IPMK: variants seen among roughly 807,000 people sequenced by gnomAD.
IPMK encodes the protein inositol polyphosphate multikinase.
In IPMK, 17 loss-of-function variants were observed where a neutral mutation model predicts 45.8. The observed-to-expected ratio is 0.37, with a 90% CI of 0.25 to 0.56. The LOEUF is 0.56. Ranked by LOEUF, IPMK falls within the 20% of genes least tolerant of loss-of-function variation. IPMK has a pLI of 0.79. For synonymous variants in IPMK, 180 were observed against 184.3 expected (o/e 0.98, Z 0.19); for missense variants, 399 against 498.0 (o/e 0.80, Z 1.89).
In IPMK at chr10:58,195,959, G is replaced by T; in HGVS notation, c.*117C>A. On this transcript the variant is annotated 3_prime_UTR_variant, in exon 6 of 6. Coordinates refer to ENST00000373935, the MANE Select transcript of IPMK (RefSeq NM_152230.5). ...TTAACCATTCTTCCAAAAGTATAAA[G>T]ACAAATAAAATGTCGACTCATAATA... The T allele has an allele frequency of 1.0e-6, 1 of 960,202 alleles. No individual in the cohort carries two copies. Among genetic ancestry groups the T allele is most frequent in the Non-Finnish European group, 1.6e-6 (1 of 638,656 alleles). The allele number at this position is 960,202 out of a possible 1,614,324, so 59.5% of individuals were successfully genotyped here. A position where few individuals can be genotyped will look rare whatever the true frequency, so the allele number is the denominator to read the frequency against.
intron 1 of IPMK, among the ~76,000 whole-genome samples, chr10:58,242,123 C>T (rs1417037067): frequency 6.6e-6 from 1 of 151,996 alleles, no homozygotes; most frequent in African/African-American, 2.4e-5. Flanking sequence ...CAGCAAAATA[C>T]AGACCAGTAT....
At chr10:58,245,582 A>C (rs186568671) in intron 1 of IPMK, among the ~76,000 whole-genome samples, 144 of 149,780 alleles carry the variant, frequency 9.6e-4, no homozygotes, top group Admixed American at 9.1e-3. Context: ...ACTGCACTCC[A>C]GCCTGGGTGA....
intron 4 of IPMK, among the ~76,000 whole-genome samples, chr10:58,207,728 A>G (rs1261653568): frequency 6.6e-6 from 1 of 152,078 alleles, no homozygotes; most frequent in East Asian, 1.9e-4. Context: ...TTAGGTGCAT[A>G]TATATTTAGG....
rs1837836068 is a variant in IPMK at position 58,192,777 on chromosome 10, T to C, written c.*3299A>G. The C allele has an allele frequency of 6.6e-6, 1 of 152,032 alleles. No homozygotes were observed. Among genetic ancestry groups the C allele is most frequent in the South Asian group, 2.1e-4 (1 of 4,832 alleles). The allele number at this position is 152,032 out of a possible 1,614,324, so 9.4% of individuals were successfully genotyped here. A position where few individuals can be genotyped will look rare whatever the true frequency, so the allele number is the denominator to read the frequency against. On this transcript the variant is annotated 3_prime_UTR_variant, in exon 6 of 6. Transcript: ENST00000373935. ...TTCCAAAGCATTAACAGATAATTGT[T>C]ACCTCTTTAAATAATCAGATTGACA...
At chr10:58,232,477 T>G (rs1838539572) in intron 2 of IPMK, among the ~76,000 whole-genome samples, 1 of 152,160 alleles carries the variant, frequency 6.6e-6, no homozygotes, top group Non-Finnish European at 1.5e-5. Flanking sequence ...CATAACAAAC[T>G]GTCTCTCAGA....
At chr10:58,205,254 G>A (rs1282775669) in intron 4 of IPMK, among the ~76,000 whole-genome samples, 3 of 150,762 alleles carry the variant, frequency 2.0e-5, no homozygotes, top group East Asian at 3.9e-4. Context: ...TGGAGGCTTC[G>A]ACAAATACTA....
rs111512860 is a variant in IPMK, at chr10:58,231,343, C to T, written c.277-4204G>A. Among the ~76,000 whole-genome samples the T allele has an allele frequency of 5.3e-3, 806 of 152,208 alleles. 5 individuals are homozygous for T. The highest frequency in any genetic ancestry group is 0.018 in the African/African-American group (766 of 41,504). On this transcript the variant is annotated intron_variant, in intron 2 of 5. Transcript: ENST00000373935. Reference sequence around the variant, plus strand: ...ATACGGAGAATGCCACAAAGATACTCCTCGAGAAGAGCAACCCCAAGACAC... The same window carrying T: ...ATACGGAGAATGCCACAAAGATACTTCTCGAGAAGAGCAACCCCAAGACAC...
intron 2 of IPMK, among the ~76,000 whole-genome samples, chr10:58,232,712 C>T (rs551418077): frequency 6.6e-6 from 1 of 152,078 alleles, no homozygotes; most frequent in African/African-American, 2.4e-5. Context: ...GCAATAAATG[C>T]CCACAAGAGA....
intron 2 of IPMK, among the ~76,000 whole-genome samples, chr10:58,235,940 T>TC (rs1453729788): frequency 2.0e-5 from 3 of 152,058 alleles, no homozygotes; most frequent in African/African-American, 7.2e-5. Flanking sequence ...AACTTTTTTT[T>TC]TTTTTTAGAG....
intron 2 of IPMK, among the ~76,000 whole-genome samples, chr10:58,229,752 C>G (rs905695189): frequency 1.3e-5 from 2 of 151,994 alleles, no homozygotes; most frequent in African/African-American, 4.8e-5. Flanking sequence ...CGAATAGGAA[C>G]AGCTCTGGTC....
At chr10:58,203,309 T>C (rs146500903) in intron 4 of IPMK, among the ~76,000 whole-genome samples, 1 of 152,320 alleles carries the variant, frequency 6.6e-6, no homozygotes, top group East Asian at 1.9e-4. Context: ...AGTGACTTGC[T>C]TGCTTGTTTT....
At chr10:58,220,070 G>A (rs1397520100) in intron 3 of IPMK, among the ~76,000 whole-genome samples, 2 of 152,174 alleles carry the variant, frequency 1.3e-5, no homozygotes, top group Non-Finnish European at 2.9e-5. Context: ...GACTGGGGCA[G>A]GAGCAAATAT....
intron 1 of IPMK, among the ~76,000 whole-genome samples, chr10:58,247,476 TA>T (rs1196439677): frequency 6.6e-6 from 1 of 151,554 alleles, no homozygotes; most frequent in Non-Finnish European, 1.5e-5. Flanking sequence ...TATGCAGCCA[TA>T]AAAAATGATG....
intron 1 of IPMK, among the ~76,000 whole-genome samples, chr10:58,248,334 A>T (rs1006679461): frequency 5.3e-5 from 8 of 152,216 alleles, no homozygotes; most frequent in African/African-American, 1.2e-4. Context: ...TAACAAAATT[A>T]AAAATGTTGT....
chr10:58,198,926 A>G (rs1837956626), intron 5 of IPMK, among the ~76,000 whole-genome samples: 2 of 152,272 alleles, frequency 1.3e-5, no homozygotes, highest in African/African-American at 2.4e-5. Flanking sequence ...GTTTACTTAC[A>G]AAATAATTTT....
chr10:58,259,678 A>AAAAAAAAAAAAAAAAAAAAC, intron 1 of IPMK, among the ~76,000 whole-genome samples: 1 of 144,498 alleles, frequency 6.9e-6, no homozygotes, highest in Admixed American at 6.9e-5. Flanking sequence ...ACATAAAAAA[A>AAAAAAAAAAAAAAAAAAAAC]AAAAAAAAAC....
Position 58,223,860 on chromosome 10 carries a change from C to T in IPMK, c.373+3183G>A, listed in dbSNP as rs540698210. Among the ~76,000 whole-genome samples the T allele has an allele frequency of 2.9e-4, 44 of 152,282 alleles. 1 individual carries two copies. In the South Asian group the frequency reaches 6.2e-3, roughly 22 times the overall value. ...GCAGTTTCCCCTGCACTTTCTCTCT[C>T]CTGCCACCATGTAAGACGTGCCTTG... On this transcript the variant is annotated intron_variant, in intron 3 of 5. Coordinates refer to ENST00000373935, the MANE Select transcript of IPMK (RefSeq NM_152230.5).
chr10:58,200,305 G>C (rs1157653757), intron 4 of IPMK, among the ~76,000 whole-genome samples: 1 of 152,026 alleles, frequency 6.6e-6, no homozygotes, highest in Non-Finnish European at 1.5e-5. Flanking sequence ...TTTTAGTAGA[G>C]GTGAGGTTTC....
At chr10:58,219,486 A>G (rs1838298249) in intron 3 of IPMK, among the ~76,000 whole-genome samples, 1 of 152,230 alleles carries the variant, frequency 6.6e-6, no homozygotes, top group Admixed American at 6.5e-5. Context: ...TTTCCCTAGA[A>G]GAGAGTTTAA....
Sources: gnomAD v4.1 joint callset for allele counts (sites outside exome capture counted in the v4.1 genomes callset) on GRCh38, gnomAD v4.1.1 for gene constraint, MANE v1.5 for transcripts, NCBI Gene and HGNC (gene_info 2026-07-23, HGNC 2026-07-21) for gene names.